ELK4: variants seen among roughly 807,000 people sequenced by gnomAD.
ELK4 encodes the protein ETS transcription factor ELK4.
In ELK4, 16 loss-of-function variants were observed where a neutral mutation model predicts 29.6. That is an observed-to-expected ratio of 0.54 (90% CI 0.37 to 0.82). The LOEUF (loss-of-function observed/expected upper bound fraction) is 0.82, where lower values mean the gene tolerates loss of function less well. ELK4 is among the 40% of genes least tolerant of loss of function. The pLI, the probability that ELK4 is intolerant of heterozygous loss-of-function variation, is 0.00. For missense variants in ELK4, 465 were observed against 507.1 expected, an observed-to-expected ratio of 0.92 and a Z score of 0.80; for synonymous variants, 213 against 191.1, an observed-to-expected ratio of 1.11 and a Z score of -0.95.
chr1:205,625,113 T>G (rs1367727377), intron 1 of ELK4, among the ~76,000 whole-genome samples: 1 of 152,076 alleles, frequency 6.6e-6, no homozygotes. Flanking sequence ...AAACAAATTA[T>G]ATCAATACCA....
chr1:205,611,045 A>G lies in ELK4; in HGVS notation c.*5501T>C. 4.6e-6 allele frequency: 1 copy of G among 219,548 alleles called. No homozygotes were observed. Among genetic ancestry groups the G allele is most frequent in the Non-Finnish European group, 9.1e-6 (1 of 109,394 alleles). 13.6% of individuals were successfully genotyped at this position (219,548 alleles called of 1,614,324 possible). On this transcript the variant is annotated 3_prime_UTR_variant, in exon 5 of 5. Coordinates refer to ENST00000357992, the MANE Select transcript of ELK4 (RefSeq NM_001973.4). ...TTAAAATTATGTCAACAACAGCATG[A>G]ATTTCCTGTTTTCTGTAGAAAGCTT...
At chr1:205,619,941 A>C in intron 3 of ELK4, 25 bp downstream of exon 3, 1 of 1,614,234 alleles carries the variant, frequency 6.2e-7, no homozygotes, top group Non-Finnish European at 8.5e-7. Context: ...AGCAATGGTG[A>C]CACCATAAAG....
At position 205,611,433 on chromosome 1, in the gene ELK4, A is replaced by C. The variant is rs369904737; in HGVS notation, c.*5113T>G. Reference sequence around the variant, plus strand: ...CTTCAGTAAGCAGAGTTCTGATGACATAAGAGGAATAACAGGGCACTTTGT... The same window carrying C: ...CTTCAGTAAGCAGAGTTCTGATGACCTAAGAGGAATAACAGGGCACTTTGT... On this transcript the variant is annotated 3_prime_UTR_variant, in exon 5 of 5. Transcript: ENST00000357992. 1 of 209,050 alleles carries C rather than the reference A, an allele frequency of 4.8e-6. No individual in the cohort carries two copies. The highest frequency in any genetic ancestry group is 2.3e-5 in the African/African-American group (1 of 44,034). The allele number at this position is 209,050 out of a possible 1,614,324, so 12.9% of individuals were successfully genotyped here. A position where few individuals can be genotyped will look rare whatever the true frequency, so the allele number is the denominator to read the frequency against.
chr1:205,631,605 A>AG, intron 1 of ELK4, 27 bp downstream of exon 1: 1 of 217,110 alleles, frequency 4.6e-6, no homozygotes, highest in South Asian at 5.4e-5. Context: ...CGAGATCCCG[A>AG]GGGGGCGCGC....
chr1:205,615,462 A>T lies in ELK4; in HGVS notation c.*1084T>A, dbSNP rs545934576. ...CCTGACTGGGGAGGCTTCACTTTGAATTCTACCTTCCTAACTGCATCTTTA... is the reference window on the plus strand; with the variant it reads ...CCTGACTGGGGAGGCTTCACTTTGATTTCTACCTTCCTAACTGCATCTTTA... On this transcript the variant is annotated 3_prime_UTR_variant, in exon 5 of 5. Transcript: ENST00000357992. 2.8e-5 allele frequency: 5 copies of T among 176,790 alleles called. No homozygotes were observed. In the South Asian group the frequency reaches 9.9e-4, roughly 35 times the overall value. The allele number at this position is 176,790 out of a possible 1,614,324, so 11.0% of individuals were successfully genotyped here. A position where few individuals can be genotyped will look rare whatever the true frequency, so the allele number is the denominator to read the frequency against.
chr1:205,627,977 C>T (rs930790911), intron 1 of ELK4, among the ~76,000 whole-genome samples: 3 of 152,200 alleles, frequency 2.0e-5, no homozygotes, highest in Middle Eastern at 3.2e-3. Flanking sequence ...AAGTCTCTTT[C>T]ATCACAGTCA....
In ELK4 at chr1:205,612,980, A is replaced by C. The variant is rs1310949704; in HGVS notation, c.*3566T>G. 2 of 208,050 alleles carry C rather than the reference A, an allele frequency of 9.6e-6. No homozygotes were observed. Among genetic ancestry groups the C allele is most frequent in the Non-Finnish European group, 2.0e-5 (2 of 102,186 alleles). The allele number at this position is 208,050 out of a possible 1,614,324, so 12.9% of individuals were successfully genotyped here. On this transcript the variant is annotated 3_prime_UTR_variant, in exon 5 of 5. Coordinates refer to ENST00000357992, the MANE Select transcript of ELK4 (RefSeq NM_001973.4). ...AAAATTAAACTCATATTTTAACTCT[A>C]AGAAGCTTACGGTTGACCTTTCAAG...
At chr1:205,626,175 A>G in intron 1 of ELK4, 1 of 627,844 alleles carries the variant, frequency 1.6e-6, no homozygotes. Flanking sequence ...CTGAGCTGGA[A>G]GGGGGGTCTC....
intron 2 of ELK4, among the ~76,000 whole-genome samples, chr1:205,621,754 A>T (rs1240689704): frequency 1.3e-5 from 2 of 151,702 alleles, no homozygotes; most frequent in African/African-American, 4.8e-5. Context: ...CCTGACCTCA[A>T]CTGATCCACC....
intron 4 of ELK4, among the ~76,000 whole-genome samples, chr1:205,617,827 G>A (rs1234436412): frequency 6.6e-6 from 1 of 152,016 alleles, no homozygotes; most frequent in Non-Finnish European, 1.5e-5. Flanking sequence ...CTTGAACCCA[G>A]GAGGCAGAGG....
chr1:205,626,979 G>A (rs1670477943), intron 1 of ELK4, among the ~76,000 whole-genome samples: 1 of 152,198 alleles, frequency 6.6e-6, no homozygotes, highest in African/African-American at 2.4e-5. Context: ...AGAAAGGAAT[G>A]AGGTACACAC....
Position 205,620,122 on chromosome 1 carries a change from T to C in ELK4, c.924A>G (p.Leu308=), listed in dbSNP as rs1670305007. ...ATGAATTATTTACTTTGTCCTTTTC[T>C]AGCAAGACTGAATCCTGGTCTTTAG... is the stretch of plus-strand genomic sequence containing the variant. ...LEPKDQDSVL[L]EKDKVNNSSR... is the part of the protein sequence containing the mutation. Residue 308 remains leucine, a synonymous_variant, in exon 3 of 5, where the codon CTA becomes CTG. Transcript: ENST00000357992. 1.9e-6 allele frequency: 3 copies of C among 1,614,136 alleles called. No individual in the cohort carries two copies. The highest frequency in any genetic ancestry group is 1.7e-5 in the Admixed American group (1 of 60,004).
chr1:205,625,198 C>G (rs888643141), intron 1 of ELK4, among the ~76,000 whole-genome samples: 2 of 151,916 alleles, frequency 1.3e-5, no homozygotes, highest in African/African-American at 4.8e-5. Context: ...ATAATGCCAT[C>G]AAGTGAGAAG....
intron 1 of ELK4, chr1:205,625,945 G>T: frequency 1.2e-6 from 1 of 857,782 alleles, no homozygotes; most frequent in South Asian, 1.3e-5. Context: ...CCAAAATGCT[G>T]GGATTACAGG....
rs1670592575 is a variant in ELK4, at chr1:205,631,623, AC to A, written c.-10+8del. ...GATCCCGAGGGGGCGCGCGGGGCTGACCGCTCACCGACGCCGCGCGCGGGGC... is the reference window on the plus strand; with the variant it reads ...GATCCCGAGGGGGCGCGCGGGGCTGACGCTCACCGACGCCGCGCGCGGGGC... On this transcript the variant is annotated splice_region_variant and intron_variant, in intron 1 of 4. Transcript: ENST00000357992. 3.2e-6 allele frequency: 1 copy of A among 309,768 alleles called. No individual in the cohort carries two copies. The highest frequency in any genetic ancestry group is 6.7e-6 in the Non-Finnish European group (1 of 149,240). 19.2% of individuals were successfully genotyped at this position (309,768 alleles called of 1,614,324 possible).
intron 1 of ELK4, among the ~76,000 whole-genome samples, chr1:205,628,849 TA>T (rs1176790797): frequency 6.8e-6 from 1 of 146,708 alleles, no homozygotes; most frequent in Admixed American, 7.1e-5. Flanking sequence ...ACAGTGTGTC[TA>T]CGATAGAAGG....
At position 205,611,665 on chromosome 1, in the gene ELK4, T is replaced by C. The variant is rs1240291511; in HGVS notation, c.*4881A>G. ...ACTATTTTAGAAATAATATATTCTATCATAGCTTCAGATGACACACTACAT... is the reference window on the plus strand; with the variant it reads ...ACTATTTTAGAAATAATATATTCTACCATAGCTTCAGATGACACACTACAT... On this transcript the variant is annotated 3_prime_UTR_variant, in exon 5 of 5. Transcript: ENST00000357992. 5.2e-6 allele frequency: 1 copy of C among 193,404 alleles called. No homozygotes were observed. The highest frequency in any genetic ancestry group is 8.2e-5 in the East Asian group (1 of 12,254). The allele number at this position is 193,404 out of a possible 1,614,324, so 12.0% of individuals were successfully genotyped here.
At chr1:205,617,221 C>G (rs1328544578) in intron 4 of ELK4, among the ~76,000 whole-genome samples, 1 of 152,024 alleles carries the variant, frequency 6.6e-6, no homozygotes, top group Non-Finnish European at 1.5e-5. Context: ...AAATTCTCAA[C>G]TTTTTTTTCT....
In ELK4 at chr1:205,616,564, T is replaced by G. The variant is rs746322093; in HGVS notation, c.1278A>C (p.Pro426=). 5 of 1,614,048 alleles carry G rather than the reference T, an allele frequency of 3.1e-6. No individual in the cohort carries two copies. In the African/African-American group the frequency reaches 6.7e-5, roughly 22 times the overall value. The part of the protein sequence containing the change: ...DGPSTPGPFS[P]DLQKT Reference sequence around the variant, plus strand: ...GCATAGGTTATGTCTTCTGTAGGTCTGGGGAAAATGGGCCAGGGGTGGAAG... The same window carrying G: ...GCATAGGTTATGTCTTCTGTAGGTCGGGGGAAAATGGGCCAGGGGTGGAAG... The change falls in exon 5 of 5, where the codon CCA becomes CCC. Residue 426 remains proline, a synonymous_variant. Coordinates refer to ENST00000357992, the MANE Select transcript of ELK4 (RefSeq NM_001973.4).
Sources: allele counts gnomAD v4.1 joint callset (sites outside exome capture counted in the v4.1 genomes callset), GRCh38; gene constraint gnomAD v4.1.1; transcripts MANE v1.5; gene names NCBI Gene and HGNC (gene_info 2026-07-23, HGNC 2026-07-21).